KALRN: variants seen among roughly 807,000 people sequenced by gnomAD.
KALRN encodes kalirin.
Under a neutral mutation model 353.7 loss-of-function variants are expected in KALRN, and 70 were observed. The observed-to-expected ratio is 0.20, with a 90% CI of 0.16 to 0.24. The LOEUF (loss-of-function observed/expected upper bound fraction) is 0.24. KALRN is among the 10% of genes least tolerant of loss of function. The pLI, the probability that KALRN is intolerant of heterozygous loss-of-function variation, is 1.00. For synonymous variants in KALRN, 1,391 were observed against 1,434.8 expected, an observed-to-expected ratio of 0.97 and a Z score of 0.69; for missense variants, 2,791 against 3,756.7, an observed-to-expected ratio of 0.74 and a Z score of 6.72.
chr3:124,175,332 C>T (rs1473207512), intron 1 of KALRN, among the ~76,000 whole-genome samples: 7 of 149,686 alleles, frequency 4.7e-5, no homozygotes, highest in East Asian at 4.0e-4. Context: ...TGCGGAGATG[C>T]GCGCTGCCGA....
intron 33 of KALRN, among the ~76,000 whole-genome samples, chr3:124,503,649 C>T (rs1336330041): frequency 6.6e-6 from 1 of 152,120 alleles, no homozygotes; most frequent in African/African-American, 2.4e-5. Context: ...TCTGGCTGCC[C>T]TCTCACCTCC....
At chr3:124,674,276 G>T in intron 48 of KALRN, 88 bp from the exon 49 acceptor site, 1 of 1,380,570 alleles carries the variant, frequency 7.2e-7, no homozygotes, top group Non-Finnish European at 9.8e-7. Context: ...GGGAGATTTG[G>T]CCTTGAACCA....
At chr3:124,703,235 A>G (rs1213407730) in intron 57 of KALRN, among the ~76,000 whole-genome samples, 1 of 152,126 alleles carries the variant, frequency 6.6e-6, no homozygotes, top group Non-Finnish European at 1.5e-5. Context: ...GCCTTCCGTT[A>G]CAGCACCTTT....
Position 124,234,910 on chromosome 3 carries a change from G to A in KALRN, c.230G>A (p.Arg77Gln), listed in dbSNP as rs978430945. 13 of 1,606,880 alleles carry A rather than the reference G, an allele frequency of 8.1e-6. No individual in the cohort carries two copies. The highest frequency in any genetic ancestry group is 1.1e-5 in the Non-Finnish European group (13 of 1,176,374). ...GACAGAATAAGACAGGAAGACCTGC[G>A]GAAACTCGTGACGTATTTGGCCAGC... ...NHDRIRQEDLRKLVTYLASVP... is the reference protein window; with the variant it reads ...NHDRIRQEDLQKLVTYLASVP... The change falls in exon 3 of 60, where the codon CGG becomes CAG. Residue 77 changes from arginine to glutamine, a missense_variant. Physicochemically the swap from Arg to Gln is conservative, Grantham distance 43. Coordinates refer to ENST00000682506, the MANE Select transcript of KALRN (RefSeq NM_001388419.1).
chr3:124,054,377 A>AAAAATAAAAATAAAAATAAAAATAAAAAT (rs1363241042), intron 1 of KALRN, among the ~76,000 whole-genome samples: 41 of 152,012 alleles, frequency 2.7e-4, no homozygotes, highest in Middle Eastern at 3.4e-3. Context: ...AAATAAAAAT[A>AAAAATAAAAATAAAAATAAAAATAAAAAT]AAAATAAAAT....
chr3:124,214,092 C>T (rs984949015), intron 1 of KALRN, among the ~76,000 whole-genome samples: 2 of 151,906 alleles, frequency 1.3e-5, no homozygotes, highest in Non-Finnish European at 2.9e-5. Context: ...TAAACATTAA[C>T]AAAATCTGTA....
chr3:124,467,582 G>A (rs1311904226), intron 25 of KALRN, among the ~76,000 whole-genome samples: 6 of 152,206 alleles, frequency 3.9e-5, no homozygotes, highest in East Asian at 1.9e-4. Context: ...CAAAGGCCCT[G>A]CAAGGGAGAA....
intron 1 of KALRN, among the ~76,000 whole-genome samples, chr3:124,088,456 C>G (rs913256701): frequency 6.6e-6 from 1 of 152,110 alleles, no homozygotes; most frequent in Non-Finnish European, 1.5e-5. Context: ...GGTAGAGAAG[C>G]CTGGGAAACT....
chr3:124,424,459 T>C (rs1211500008), intron 15 of KALRN, among the ~76,000 whole-genome samples: 1 of 152,160 alleles, frequency 6.6e-6, no homozygotes, highest in African/African-American at 2.4e-5. Context: ...TTAGTTATTA[T>C]ATTGTTATTT....
chr3:124,498,788 C>T (rs1039824669), intron 33 of KALRN, among the ~76,000 whole-genome samples: 1 of 151,994 alleles, frequency 6.6e-6, no homozygotes, highest in Non-Finnish European at 1.5e-5. Context: ...AACAGGGCAG[C>T]CATGTGTCCT....
chr3:124,210,704 T>C (rs905064493), intron 1 of KALRN, among the ~76,000 whole-genome samples: 1 of 152,216 alleles, frequency 6.6e-6, no homozygotes, highest in African/African-American at 2.4e-5. Flanking sequence ...AGCAATGTTA[T>C]TGGCATGGAA....
At chr3:124,212,224 T>TA (rs138046986) in intron 1 of KALRN, among the ~76,000 whole-genome samples, 26,633 of 148,388 alleles carry the variant, frequency 0.18, 2,528 homozygotes, top group Middle Eastern at 0.24. Flanking sequence ...TAGAAAAGTG[T>TA]AAAAAAAAAA....
intron 33 of KALRN, among the ~76,000 whole-genome samples, chr3:124,498,683 T>G (rs2064158405): frequency 6.6e-6 from 1 of 152,202 alleles, no homozygotes; most frequent in African/African-American, 2.4e-5. Flanking sequence ...GAAAATTCCT[T>G]AGACATAGTC....
intron 6 of KALRN, among the ~76,000 whole-genome samples, chr3:124,305,242 C>T (rs1364390565): frequency 1.3e-5 from 2 of 152,174 alleles, no homozygotes; most frequent in African/African-American, 4.8e-5. Flanking sequence ...AAGCCACTTA[C>T]AAAAATGCTC....
intron 1 of KALRN, among the ~76,000 whole-genome samples, chr3:124,185,604 A>G (rs952291500): frequency 6.6e-6 from 1 of 152,194 alleles, no homozygotes; most frequent in Non-Finnish European, 1.5e-5. Flanking sequence ...CGTGAGCAGT[A>G]GTTGCTCCAG....
intron 10 of KALRN, among the ~76,000 whole-genome samples, chr3:124,348,748 C>T (rs113005216): frequency 0.011 from 1,629 of 152,240 alleles, 23 homozygotes; most frequent in African/African-American, 0.036. Context: ...GAGACAGTCT[C>T]GCTCTGTTGC....
At chr3:124,034,039 C>G (rs1187853742) in intron 1 of KALRN, among the ~76,000 whole-genome samples, 1 of 152,174 alleles carries the variant, frequency 6.6e-6, no homozygotes, top group African/African-American at 2.4e-5. Context: ...CCGCCTTCAC[C>G]CCAGTTGCGG....
At chr3:124,655,738 G>A in intron 39 of KALRN, 71 bp downstream of exon 39, 1 of 1,091,770 alleles carries the variant, frequency 9.2e-7, no homozygotes, top group East Asian at 2.4e-5. Flanking sequence ...CTAGGCCAAG[G>A]TGTTTTAATC....
At chr3:124,132,347 A>C (rs2065399725) in intron 1 of KALRN, among the ~76,000 whole-genome samples, 1 of 152,150 alleles carries the variant, frequency 6.6e-6, no homozygotes. Context: ...AGGGAAGCTC[A>C]ATCATCACTT....
Sources: gnomAD v4.1 joint callset for allele counts (sites outside exome capture counted in the v4.1 genomes callset) on GRCh38, gnomAD v4.1.1 for gene constraint, MANE v1.5 for transcripts, NCBI Gene and HGNC (gene_info 2026-07-23, HGNC 2026-07-21) for gene names.